Variants in SLC6A11 observed in about 807,000 individuals in gnomAD.
SLC6A11 encodes the protein solute carrier family 6 member 11, also known as sodium- and chloride-dependent GABA transporter 3.
SLC6A11 carries 25 observed loss-of-function variants against 74.8 expected under a neutral mutation model. That is an observed-to-expected ratio of 0.33 (90% CI 0.24 to 0.47). The LOEUF (loss-of-function observed/expected upper bound fraction) is 0.47, where lower values mean the gene tolerates loss of function less well. Among genes scored for constraint, SLC6A11 ranks in the 20% least tolerant of loss-of-function variants. The pLI, the probability that SLC6A11 is intolerant of heterozygous loss-of-function variation, is 1.00. For missense variants in SLC6A11, 574 were observed against 837.0 expected, an observed-to-expected ratio of 0.69 and a Z score of 3.88; for synonymous variants, 330 against 330.2, an observed-to-expected ratio of 1.00 and a Z score of 0.01.
intron 7 of SLC6A11, among the ~76,000 whole-genome samples, chr3:10,914,635 CCAG>C (rs1047797362): frequency 3.9e-5 from 6 of 152,024 alleles, no homozygotes; most frequent in African/African-American, 4.8e-5. Flanking sequence ...AGCAGGCTGT[CCAG>C]AAGAAGGCAT....
At chr3:10,873,674 T>C (rs1392259949) in intron 5 of SLC6A11, among the ~76,000 whole-genome samples, 70 of 120,622 alleles carry the variant, frequency 5.8e-4, no homozygotes, top group Admixed American at 2.7e-3. Context: ...TATCCTATCC[T>C]ATCCTATCCC....
chr3:10,919,740 A>G (rs1052511377), intron 8 of SLC6A11, among the ~76,000 whole-genome samples: 5 of 152,230 alleles, frequency 3.3e-5, no homozygotes, highest in Non-Finnish European at 5.9e-5. Context: ...CTGGGCACCT[A>G]TTCACTGGAC....
In SLC6A11 at chr3:10,940,584, A is replaced by G. The variant is rs1429914986; in HGVS notation, c.*2182A>G. On this transcript the variant is annotated 3_prime_UTR_variant, in exon 14 of 14. Transcript: ENST00000254488. ...CATTAGAAACAATACATCCTTTCTG[A>G]GATATTTACAGTATTATTAAAAAAT... is the stretch of plus-strand genomic sequence containing the variant. 1 of 152,120 alleles carries G rather than the reference A, an allele frequency of 6.6e-6. No homozygotes were observed. The highest frequency in any genetic ancestry group is 6.5e-5 in the Admixed American group (1 of 15,274). 9.4% of individuals were successfully genotyped at this position (152,120 alleles called of 1,614,324 possible). A position where few individuals can be genotyped will look rare whatever the true frequency, so the allele number is the denominator to read the frequency against.
intron 5 of SLC6A11, among the ~76,000 whole-genome samples, chr3:10,845,996 C>T (rs1307975273): frequency 6.6e-6 from 1 of 152,194 alleles, no homozygotes; most frequent in Non-Finnish European, 1.5e-5. Context: ...GGGCATGTTG[C>T]TCAACTTCTC....
chr3:10,917,697 A>C (rs765023477), intron 7 of SLC6A11, among the ~76,000 whole-genome samples: 2 of 152,172 alleles, frequency 1.3e-5, no homozygotes, highest in Non-Finnish European at 2.9e-5. Context: ...CCCCGCTCCC[A>C]AGAGCAGGGG....
intron 6 of SLC6A11, among the ~76,000 whole-genome samples, chr3:10,903,611 A>G (rs1446126237): frequency 8.5e-5 from 13 of 152,182 alleles, no homozygotes; most frequent in Admixed American, 8.5e-4. Flanking sequence ...ATGCATGCTT[A>G]TGGTGCGGGG....
At chr3:10,882,899 T>C (rs1694999469) in intron 6 of SLC6A11, among the ~76,000 whole-genome samples, 1 of 152,254 alleles carries the variant, frequency 6.6e-6, no homozygotes, top group South Asian at 2.1e-4. Context: ...AGTGTGCACA[T>C]GAGGCCCAGA....
In SLC6A11 at chr3:10,819,610, A is replaced by G; in HGVS notation, c.391+11A>G. On this transcript the variant is annotated intron_variant, in intron 2 of 13. Transcript: ENST00000254488. Reference sequence around the variant, plus strand: ...GCCCTTTATTTGAAGGTATGTGTTGAGTTAATGAGAAAATAAAATTTTGCC... The same window carrying G: ...GCCCTTTATTTGAAGGTATGTGTTGGGTTAATGAGAAAATAAAATTTTGCC... 3 of 1,610,890 alleles carry G rather than the reference A, an allele frequency of 1.9e-6. No homozygotes were observed. In the South Asian group the frequency reaches 3.3e-5, roughly 18 times the overall value.
intron 4 of SLC6A11, chr3:10,824,661 T>C (rs568989355): frequency 1.1e-4 from 16 of 152,214 alleles, no homozygotes; most frequent in Non-Finnish European, 2.2e-4. Flanking sequence ...TACATGTAGC[T>C]TTGGTTCTTT....
chr3:10,875,538 T>TA (rs796327176), intron 6 of SLC6A11, among the ~76,000 whole-genome samples: 10 of 151,888 alleles, frequency 6.6e-5, no homozygotes, highest in East Asian at 1.9e-4. Flanking sequence ...AATTAAAAAT[T>TA]AAAAAAAAAT....
intron 4 of SLC6A11, among the ~76,000 whole-genome samples, chr3:10,842,762 C>T (rs1229275002): frequency 1.3e-5 from 2 of 152,148 alleles, no homozygotes; most frequent in Non-Finnish European, 2.9e-5. Flanking sequence ...GTTCCCACTT[C>T]TCCTGGCTAT....
At chr3:10,830,423 G>T (rs968239898) in intron 4 of SLC6A11, among the ~76,000 whole-genome samples, 4 of 152,178 alleles carry the variant, frequency 2.6e-5, no homozygotes, top group African/African-American at 9.7e-5. Flanking sequence ...TCTTTATTGA[G>T]CACCTACTAT....
intron 8 of SLC6A11, among the ~76,000 whole-genome samples, chr3:10,920,727 C>T (rs1316189371): frequency 1.3e-5 from 2 of 152,176 alleles, no homozygotes; most frequent in African/African-American, 4.8e-5. Context: ...CTATCACAGA[C>T]GAGGACCTTG....
At chr3:10,928,350 GA>G (rs1293636228) in intron 9 of SLC6A11, among the ~76,000 whole-genome samples, 1 of 152,134 alleles carries the variant, frequency 6.6e-6, no homozygotes, top group African/African-American at 2.4e-5. Flanking sequence ...CCCCCAGGGT[GA>G]GGGGTGTGCT....
Position 10,940,624 on chromosome 3 carries a change from T to C in SLC6A11, c.*2222T>C, listed in dbSNP as rs1479662619. On this transcript the variant is annotated 3_prime_UTR_variant, in exon 14 of 14. Coordinates refer to ENST00000254488, the MANE Select transcript of SLC6A11 (RefSeq NM_014229.3). Reference sequence around the variant, plus strand: ...TATTAAAAAATGAAAAAGGTTGTACTGTTTTGCATAATGAACATTTTTATT... The same window carrying C: ...TATTAAAAAATGAAAAAGGTTGTACCGTTTTGCATAATGAACATTTTTATT... The C allele has an allele frequency of 6.6e-6, 1 of 152,230 alleles. No individual in the cohort carries two copies. Among genetic ancestry groups the C allele is most frequent in the Non-Finnish European group, 1.5e-5 (1 of 68,032 alleles). 9.4% of individuals were successfully genotyped at this position (152,230 alleles called of 1,614,324 possible).
rs759269261 is a variant in SLC6A11, at chr3:10,816,560, C to T, written c.256+39C>T. ...GAGGAGAAGGGGAGGGGGCGCCAAC[C>T]GCCCGGTGGGGGCGGGGAGCCAGGG... On this transcript the variant is annotated intron_variant, in intron 1 of 13. Coordinates refer to ENST00000254488, the MANE Select transcript of SLC6A11 (RefSeq NM_014229.3). This position sits in a 1 kb window ranked among gnomAD's most constrained non-coding sequence, Gnocchi z 4.2. 1.2e-5 allele frequency: 18 copies of T among 1,520,072 alleles called. No individual in the cohort carries two copies. Among genetic ancestry groups the T allele is most frequent in the Non-Finnish European group, 1.6e-5 (18 of 1,131,258 alleles). The allele number at this position is 1,520,072 out of a possible 1,614,324, so 94.2% of individuals were successfully genotyped here.
rs1559549630 is a variant in SLC6A11 at position 10,816,394 on chromosome 3, C to T, written c.129C>T (p.Arg43=). 1 of 1,566,820 alleles carries T rather than the reference C, an allele frequency of 6.4e-7. No homozygotes were observed. Among genetic ancestry groups the T allele is most frequent in the Non-Finnish European group, 8.6e-7 (1 of 1,157,986 alleles). Reference sequence around the variant, plus strand: ...CCGCGCGCCACCCGCGCGTCAAGCGCGACAAGGCGGTCCACGAGCGCGGCC... The same window carrying T: ...CCGCGCGCCACCCGCGCGTCAAGCGTGACAAGGCGGTCCACGAGCGCGGCC... The part of the protein sequence containing the change: ...AAPARHPRVK[R]DKAVHERGHW... Residue 43 remains arginine (R), a synonymous_variant, in exon 1 of 14, where the codon CGC becomes CGT. Transcript: ENST00000254488. This position sits in a 1 kb window ranked among gnomAD's most constrained non-coding sequence, Gnocchi z 4.2.
chr3:10,929,472 C>G lies in SLC6A11; in HGVS notation c.1371+133C>G, dbSNP rs913406073. 9 of 935,396 alleles carry G rather than the reference C, an allele frequency of 9.6e-6. No individual in the cohort carries two copies. In the African/African-American group the frequency reaches 1.3e-4, roughly 14 times the overall value. The allele number at this position is 935,396 out of a possible 1,614,324, so 57.9% of individuals were successfully genotyped here. A position where few individuals can be genotyped will look rare whatever the true frequency, so the allele number is the denominator to read the frequency against. On this transcript the variant is annotated intron_variant, in intron 10 of 13. Coordinates refer to ENST00000254488, the MANE Select transcript of SLC6A11 (RefSeq NM_014229.3). ...CCACTCGGTTTATGCTTCCTCCTAG[C>G]GGGTCATGGTGAGGATCTAATGGAA...
At chr3:10,863,558 G>A (rs746170536) in intron 5 of SLC6A11, among the ~76,000 whole-genome samples, 1 of 152,180 alleles carries the variant, frequency 6.6e-6, no homozygotes, top group Admixed American at 6.5e-5. Flanking sequence ...ATGGCTCCCC[G>A]TATCTGCATG....
Sources: gnomAD v4.1 joint callset for allele counts (sites outside exome capture counted in the v4.1 genomes callset) on GRCh38, gnomAD v4.1.1 for gene constraint, Gnocchi (gnomAD v3.1) non-coding constraint, MANE v1.5 for transcripts, NCBI Gene and HGNC (gene_info 2026-07-23, HGNC 2026-07-21) for gene names.